The following GLCCI1 variants were observed in gnomAD, a reference collection of about 807,000 sequenced individuals.
GLCCI1 encodes glucocorticoid-induced transcript 1 protein.
A neutral mutation model predicts 52.2 loss-of-function variants in GLCCI1; 24 were observed. That is an observed-to-expected ratio of 0.46 (90% CI 0.33 to 0.65). The LOEUF is 0.65. Among genes scored for constraint, GLCCI1 ranks in the 30% least tolerant of loss-of-function variants. GLCCI1 has a pLI of 0.02. For missense variants in GLCCI1, 704 were observed against 701.5 expected, an observed-to-expected ratio of 1.00 and a Z score of -0.04; for synonymous variants, 310 against 276.5, an observed-to-expected ratio of 1.12 and a Z score of -1.20.
At chr7:8,061,547 T>A (rs77935225) in intron 5 of GLCCI1, among the ~76,000 whole-genome samples, 182 of 152,272 alleles carry the variant, frequency 1.2e-3, no homozygotes, top group African/African-American at 4.2e-3. Flanking sequence ...CCCAAAAGGT[T>A]GTACTATTTG....
chr7:8,043,852 C>A (rs932395689), intron 3 of GLCCI1, among the ~76,000 whole-genome samples: 5 of 151,362 alleles, frequency 3.3e-5, no homozygotes, highest in East Asian at 1.9e-4. Context: ...GGGTGAAGAC[C>A]GAACATGAAA....
At chr7:7,975,548 T>TA (rs1283801982) in intron 1 of GLCCI1, among the ~76,000 whole-genome samples, 1 of 152,216 alleles carries the variant, frequency 6.6e-6, no homozygotes, top group Admixed American at 6.5e-5. Context: ...AAAAAGACTC[T>TA]AATGTTGATG....
intron 5 of GLCCI1, among the ~76,000 whole-genome samples, chr7:8,060,975 C>G (rs1782502261): frequency 6.6e-6 from 1 of 152,142 alleles, no homozygotes; most frequent in Admixed American, 6.5e-5. Flanking sequence ...CTCACCAACA[C>G]TTGTAATTAT....
intron 4 of GLCCI1, among the ~76,000 whole-genome samples, chr7:8,056,007 A>C (rs1782390283): frequency 7.1e-6 from 1 of 140,212 alleles, no homozygotes; most frequent in African/African-American, 2.7e-5. Context: ...AAAAAAAAAA[A>C]CAAAAACCAG....
At chr7:7,974,871 T>A (rs1224135167) in intron 1 of GLCCI1, among the ~76,000 whole-genome samples, 2 of 152,208 alleles carry the variant, frequency 1.3e-5, no homozygotes, top group African/African-American at 4.8e-5. Context: ...CTGGCACTGC[T>A]TTTTGTCTTC....
chr7:8,029,262 A>G (rs1781694609), intron 3 of GLCCI1, among the ~76,000 whole-genome samples: 2 of 152,210 alleles, frequency 1.3e-5, no homozygotes, highest in South Asian at 4.1e-4. Flanking sequence ...ATCCTGTCCA[A>G]GTGGGATTTA....
At chr7:8,030,581 A>G (rs994200987) in intron 3 of GLCCI1, among the ~76,000 whole-genome samples, 3 of 152,142 alleles carry the variant, frequency 2.0e-5, no homozygotes, top group Non-Finnish European at 4.4e-5. Flanking sequence ...CAAACAATCA[A>G]CAGTGTGAAG....
intron 5 of GLCCI1, among the ~76,000 whole-genome samples, chr7:8,065,085 G>A (rs937367281): frequency 5.3e-5 from 8 of 152,068 alleles, no homozygotes; most frequent in Non-Finnish European, 7.4e-5. Context: ...ATCTGATACT[G>A]TCATTTCTAA....
Position 8,009,047 on chromosome 7 carries a change from C to T in GLCCI1, c.609+4988C>T, listed in dbSNP as rs544322493. On this transcript the variant is annotated intron_variant, in intron 2 of 7. Transcript: ENST00000223145. Reference sequence around the variant, plus strand: ...GTAATACCCGATTTGCACATTCACACGTTTATTCTGAGGATTATAAGATAC... The same window carrying T: ...GTAATACCCGATTTGCACATTCACATGTTTATTCTGAGGATTATAAGATAC... Among the ~76,000 whole-genome samples, 20 of 152,192 alleles carry T rather than the reference C, an allele frequency of 1.3e-4. No individual in the cohort carries two copies. The East Asian group carries it at 1.9e-3, about 15-fold the overall frequency.
intron 5 of GLCCI1, among the ~76,000 whole-genome samples, chr7:8,067,947 C>A (rs1782668260): frequency 6.6e-6 from 1 of 152,154 alleles, no homozygotes; most frequent in Admixed American, 6.5e-5. Flanking sequence ...AATCTGGTTT[C>A]TAAGTTGCTT....
intron 3 of GLCCI1, among the ~76,000 whole-genome samples, chr7:8,043,805 A>T (rs1782056713): frequency 6.6e-6 from 1 of 152,250 alleles, no homozygotes; most frequent in Non-Finnish European, 1.5e-5. Context: ...TGAAGATACT[A>T]AATTCTGTAT....
chr7:8,073,035 C>G lies in GLCCI1; in HGVS notation c.1177+1904C>G, dbSNP rs923837949. Among the ~76,000 whole-genome samples the G allele has an allele frequency of 9.2e-5, 14 of 152,192 alleles. 1 individual carries two copies. In the South Asian group the frequency reaches 1.9e-3, roughly 20 times the overall value. On this transcript the variant is annotated intron_variant, in intron 6 of 7. Transcript: ENST00000223145. ...TCTTTAATATATAATAGCTCTTTTT[C>G]CTAAATATGTATAATCAATTTTATT...
At chr7:7,988,531 C>A (rs569810647) in intron 1 of GLCCI1, among the ~76,000 whole-genome samples, 1 of 151,772 alleles carries the variant, frequency 6.6e-6, no homozygotes, top group African/African-American at 2.4e-5. Flanking sequence ...TTAATGTCTT[C>A]GGAGAATTTC....
chr7:7,973,441 T>TGTGTGTGTGTG (rs1554257312), intron 1 of GLCCI1, among the ~76,000 whole-genome samples: 1 of 151,166 alleles, frequency 6.6e-6, no homozygotes, highest in African/African-American at 2.4e-5. Context: ...TGTGTGTGTG[T>TGTGTGTGTGTG]TTTGTAAAGA....
chr7:8,031,918 A>T (rs1284359800), intron 3 of GLCCI1, among the ~76,000 whole-genome samples: 1 of 152,080 alleles, frequency 6.6e-6, no homozygotes, highest in East Asian at 1.9e-4. Flanking sequence ...GGATATATGC[A>T]TCTAACATCT....
chr7:7,981,446 C>T (rs1780617983), intron 1 of GLCCI1, among the ~76,000 whole-genome samples: 1 of 152,080 alleles, frequency 6.6e-6, no homozygotes, highest in Non-Finnish European at 1.5e-5. Context: ...CCTTAGCCTC[C>T]CAAGTAGCTG....
In GLCCI1 at chr7:8,051,229, T is replaced by C. The variant is rs17568319; in HGVS notation, c.697-4204T>C. Among the ~76,000 whole-genome samples the C allele has an allele frequency of 1.2e-3, 183 of 152,386 alleles. 2 individuals are homozygous for C. Among genetic ancestry groups the C allele is most frequent in the Middle Eastern group, 6.8e-3 (2 of 294 alleles). ...AGAGGGTGTGTTCTAATGTCCGTTG[T>C]TAGAAATGTCATTAGCAGAAATAGA... On this transcript the variant is annotated intron_variant, in intron 3 of 7. Coordinates refer to ENST00000223145, the MANE Select transcript of GLCCI1 (RefSeq NM_138426.4).
intron 1 of GLCCI1, among the ~76,000 whole-genome samples, chr7:7,990,660 A>G (rs569695289): frequency 6.6e-6 from 1 of 152,112 alleles, no homozygotes; most frequent in African/African-American, 2.4e-5. Context: ...CAAAAGTGTG[A>G]TTTCTGTAAG....
intron 3 of GLCCI1, among the ~76,000 whole-genome samples, chr7:8,053,939 G>C (rs1782327271): frequency 6.6e-6 from 1 of 151,960 alleles, no homozygotes; most frequent in Non-Finnish European, 1.5e-5. Context: ...TTGTCTTCAG[G>C]GGTTTGTTAA....
Sources: gnomAD v4.1 joint callset for allele counts (sites outside exome capture counted in the v4.1 genomes callset) on GRCh38, gnomAD v4.1.1 for gene constraint, MANE v1.5 for transcripts, NCBI Gene and HGNC (gene_info 2026-07-23, HGNC 2026-07-21) for gene names.